The following HMGN3 variants were observed in gnomAD, a reference collection of about 807,000 sequenced individuals.
The protein encoded by HMGN3 is high mobility group nucleosome-binding domain-containing protein 3.
A neutral mutation model predicts 18.8 loss-of-function variants in HMGN3; 6 were observed. That is an observed-to-expected ratio of 0.32 (90% confidence interval 0.18 to 0.63). The LOEUF (loss-of-function observed/expected upper bound fraction) is 0.63. Among genes scored for constraint, HMGN3 ranks in the 30% least tolerant of loss-of-function variants. The pLI is 0.79. For missense variants in HMGN3, 107 were observed against 114.2 expected (o/e 0.94, Z 0.29); for synonymous variants, 40 against 36.5 (o/e 1.10, Z -0.35).
chr6:79,219,935 C>T (rs575312155), intron 1 of HMGN3, among the ~76,000 whole-genome samples: 2 of 152,222 alleles, frequency 1.3e-5, no homozygotes, highest in African/African-American at 2.4e-5. Context: ...TTATAATTTA[C>T]CAATCGCTGA....
intron 1 of HMGN3, among the ~76,000 whole-genome samples, chr6:79,231,218 G>T (rs1339157838): frequency 6.6e-6 from 1 of 152,160 alleles, no homozygotes; most frequent in East Asian, 1.9e-4. Flanking sequence ...ATCATGCCAG[G>T]ACTGTGACTC....
chr6:79,217,301 T>C lies in HMGN3; in HGVS notation c.16-2279A>G, dbSNP rs2127827224. On this transcript the variant is annotated intron_variant, in intron 1 of 5. Coordinates refer to ENST00000344726, the Ensembl canonical transcript of HMGN3. ...CGGGGATCAGTGTGATACAATGGTA[T>C]GAATGCAGGATGTGAGCTCAAGACA... Among the ~76,000 whole-genome samples, 3 of 152,314 alleles carry C rather than the reference T, an allele frequency of 2.0e-5. No individual in the cohort carries two copies. In the South Asian group the frequency reaches 6.2e-4, roughly 32 times the overall value.
chr6:79,234,402 G>C, intron 1 of HMGN3, 144 bp downstream of exon 1: 1 of 718,290 alleles, frequency 1.4e-6, no homozygotes, highest in South Asian at 1.7e-5. Flanking sequence ...GTCTGCAACA[G>C]GCATCTAAAA....
intron 2 of HMGN3, among the ~76,000 whole-genome samples, 184 bp downstream of exon 2, chr6:79,214,788 C>A (rs944348955): frequency 6.6e-5 from 10 of 152,192 alleles, no homozygotes; most frequent in Admixed American, 4.6e-4. Context: ...CTGAAACACA[C>A]CTAGGCCAAG....
Position 79,205,454 on chromosome 6 carries a change from C to T in HMGN3, c.97-1824G>A, listed in dbSNP as rs549077832. Among the ~76,000 whole-genome samples the T allele has an allele frequency of 7.2e-5, 11 of 152,314 alleles. No individual in the cohort carries two copies. In the South Asian group the frequency reaches 1.7e-3, roughly 23 times the overall value. On this transcript the variant is annotated intron_variant, in intron 3 of 5. Transcript: ENST00000344726. ...ATGGTTTTAATAACAGGAGTTTCCC[C>T]GCACAAGCGCTCTCTCTCTTTGCCT...
intron 1 of HMGN3, among the ~76,000 whole-genome samples, chr6:79,222,585 C>T (rs190277198): frequency 7.2e-4 from 110 of 152,290 alleles, no homozygotes; most frequent in African/African-American, 2.5e-3. Flanking sequence ...AGCCACCAAG[C>T]GATGTTTAAC....
At chr6:79,231,864 CT>C (rs1466032620) in intron 1 of HMGN3, among the ~76,000 whole-genome samples, 1 of 152,162 alleles carries the variant, frequency 6.6e-6, no homozygotes, top group Non-Finnish European at 1.5e-5. Context: ...CTGTTTTGTG[CT>C]GCTAGTCTTA....
chr6:79,225,500 A>T (rs760689796), intron 1 of HMGN3, among the ~76,000 whole-genome samples: 14 of 152,312 alleles, frequency 9.2e-5, no homozygotes, highest in South Asian at 4.1e-4. Flanking sequence ...CTTATTTTTT[A>T]AACCCAGTCC....
chr6:79,207,920 T>C (rs1776497451), intron 3 of HMGN3, among the ~76,000 whole-genome samples: 1 of 152,192 alleles, frequency 6.6e-6, no homozygotes, highest in Admixed American at 6.5e-5. Flanking sequence ...AGCTAATCTC[T>C]CAGGAGAGCA....
At position 79,201,774 on chromosome 6, in the gene HMGN3, C is replaced by A. The variant is rs762670071; in HGVS notation, c.262-48G>T. The A allele has an allele frequency of 2.5e-6, 4 of 1,588,626 alleles. No homozygotes were observed. The Admixed American group carries it at 7.3e-5, about 29-fold the overall frequency. ...AAACATATAGTTACTACTGAAACTA[C>A]TATAAGCAAAGGAAATTCCACCCAC... On this transcript the variant is annotated intron_variant, in intron 5 of 5. Transcript: ENST00000344726.
chr6:79,201,852 CA>C, intron 5 of HMGN3, 126 bp from the exon 7 acceptor site: 1 of 1,465,444 alleles, frequency 6.8e-7, no homozygotes, highest in Non-Finnish European at 9.0e-7. Flanking sequence ...AGCTTTACTG[CA>C]AAACCTATTT....
chr6:79,223,659 C>A (rs1582437466), intron 1 of HMGN3, among the ~76,000 whole-genome samples: 1 of 151,998 alleles, frequency 6.6e-6, no homozygotes, highest in Non-Finnish European at 1.5e-5. Flanking sequence ...TGCACTCTAG[C>A]CTGTCTTGTC....
At chr6:79,228,206 T>C (rs1777655274) in intron 1 of HMGN3, among the ~76,000 whole-genome samples, 1 of 152,212 alleles carries the variant, frequency 6.6e-6, no homozygotes, top group Non-Finnish European at 1.5e-5. Flanking sequence ...GTTTATGTGT[T>C]CTACCTATCC....
intron 3 of HMGN3, among the ~76,000 whole-genome samples, chr6:79,204,392 C>T (rs961026805): frequency 6.6e-6 from 1 of 152,224 alleles, no homozygotes; most frequent in African/African-American, 2.4e-5. Flanking sequence ...GCAGCACCTG[C>T]ACACCGTGTG....
At chr6:79,229,544 G>A (rs897138023) in intron 1 of HMGN3, among the ~76,000 whole-genome samples, 1 of 152,100 alleles carries the variant, frequency 6.6e-6, no homozygotes, top group Non-Finnish European at 1.5e-5. Context: ...AAATTAGAAC[G>A]CATGCACTTT....
intron 1 of HMGN3, 94 bp from the exon 2 acceptor site, chr6:79,215,116 C>G (rs753412322): frequency 5.9e-5 from 44 of 747,630 alleles, no homozygotes; most frequent in Non-Finnish European, 9.4e-5. Flanking sequence ...CAGGACAAGA[C>G]AAGCCAACAG....
intron 1 of HMGN3, among the ~76,000 whole-genome samples, 181 bp from the exon 2 acceptor site, chr6:79,215,203 G>A (rs1776912057): frequency 6.6e-6 from 1 of 152,210 alleles, no homozygotes. Context: ...CACACACACG[G>A]TAGATAGCTG....
chr6:79,224,850 T>A (rs1777485693), intron 1 of HMGN3, among the ~76,000 whole-genome samples: 1 of 152,226 alleles, frequency 6.6e-6, no homozygotes, highest in Non-Finnish European at 1.5e-5. Flanking sequence ...TCCTGTTTGC[T>A]CGGACATACA....
intron 3 of HMGN3, among the ~76,000 whole-genome samples, chr6:79,206,021 A>T (rs1442794895): frequency 6.6e-6 from 1 of 152,210 alleles, no homozygotes; most frequent in Admixed American, 6.5e-5. Context: ...GAGATGATTT[A>T]GGGTATCTGG....
Sources: allele counts gnomAD v4.1 joint callset (sites outside exome capture counted in the v4.1 genomes callset), GRCh38; gene constraint gnomAD v4.1.1; transcripts MANE v1.5; gene names NCBI Gene and HGNC (gene_info 2026-07-23, HGNC 2026-07-21).